The following TFDP2 variants were observed in gnomAD, a reference collection of about 807,000 sequenced individuals.
The protein encoded by TFDP2 is transcription factor Dp-2.
In TFDP2, 17 loss-of-function variants were observed where a neutral mutation model predicts 59.3. That is an observed-to-expected ratio of 0.29 (90% CI 0.20 to 0.43). TFDP2 has a LOEUF of 0.43. TFDP2 is among the 20% of genes least tolerant of loss of function. TFDP2 has a pLI of 1.00. For missense variants in TFDP2, 391 were observed against 528.8 expected, an observed-to-expected ratio of 0.74 and a Z score of 2.56; for synonymous variants, 180 against 194.7, an observed-to-expected ratio of 0.92 and a Z score of 0.63.
intron 3 of TFDP2, among the ~76,000 whole-genome samples, chr3:142,012,597 A>G (rs1481105979): frequency 6.6e-6 from 1 of 152,224 alleles, no homozygotes; most frequent in Admixed American, 6.5e-5. Flanking sequence ...ATAGTCCCTA[A>G]AAATACAAGC....
In TFDP2 at chr3:141,974,033, G is replaced by C; in HGVS notation, c.663+15C>G. 6.2e-7 allele frequency: 1 copy of C among 1,605,386 alleles called. No individual in the cohort carries two copies. Among genetic ancestry groups the C allele is most frequent in the Non-Finnish European group, 8.5e-7 (1 of 1,177,578 alleles). On this transcript the variant is annotated intron_variant, in intron 8 of 12. Transcript: ENST00000489671. Reference sequence around the variant, plus strand: ...TAATGCAAACAGCTATTCATAAACAGATTTTCTCACTTACCTCCAGATTCT... The same window carrying C: ...TAATGCAAACAGCTATTCATAAACACATTTTCTCACTTACCTCCAGATTCT...
intron 1 of TFDP2, among the ~76,000 whole-genome samples, chr3:142,147,998 G>C (rs1242398012): frequency 6.6e-6 from 1 of 151,670 alleles, no homozygotes; most frequent in Non-Finnish European, 1.5e-5. Flanking sequence ...AGAGAGACAG[G>C]GACATGATTA....
chr3:142,025,971 C>A (rs1946050237), intron 3 of TFDP2, among the ~76,000 whole-genome samples: 1 of 152,098 alleles, frequency 6.6e-6, no homozygotes, highest in African/African-American at 2.4e-5. Context: ...TCTCAAAAAA[C>A]AAACAAACTT....
intron 1 of TFDP2, among the ~76,000 whole-genome samples, chr3:142,138,375 T>C (rs1353144453): frequency 2.0e-5 from 3 of 152,232 alleles, no homozygotes; most frequent in Non-Finnish European, 2.9e-5. Flanking sequence ...TCTCCTTCAG[T>C]TCTGCTCTGA....
chr3:142,117,673 T>C (rs1333971691), intron 1 of TFDP2, among the ~76,000 whole-genome samples: 1 of 152,138 alleles, frequency 6.6e-6, no homozygotes, highest in Non-Finnish European at 1.5e-5. Context: ...GTGTCTTGTG[T>C]CTAGAAACTT....
intron 1 of TFDP2, among the ~76,000 whole-genome samples, chr3:142,118,190 C>A (rs933501008): frequency 6.6e-6 from 1 of 152,074 alleles, no homozygotes; most frequent in Non-Finnish European, 1.5e-5. Flanking sequence ...TCCTCTCCCC[C>A]TTTTCTTACC....
chr3:141,981,814 G>C (rs988177667), intron 6 of TFDP2, among the ~76,000 whole-genome samples: 5 of 152,142 alleles, frequency 3.3e-5, no homozygotes, highest in African/African-American at 1.2e-4. Flanking sequence ...CCAGGTAAGA[G>C]AATATGAATC....
chr3:142,120,243 T>C (rs1397696510), intron 1 of TFDP2, among the ~76,000 whole-genome samples: 1 of 151,194 alleles, frequency 6.6e-6, no homozygotes, highest in Non-Finnish European at 1.5e-5. Context: ...GCGCCTGTAG[T>C]CCCAGCTACT....
chr3:141,997,284 T>C (rs1172918476), intron 4 of TFDP2, among the ~76,000 whole-genome samples: 1 of 152,202 alleles, frequency 6.6e-6, no homozygotes, highest in Non-Finnish European at 1.5e-5. Flanking sequence ...CTAAAAGGTT[T>C]ATATAAAATC....
At position 142,088,183 on chromosome 3, in the gene TFDP2, A is replaced by C. The variant is rs1243698700; in HGVS notation, c.82+4878T>G. The stretch of plus-strand genomic sequence containing the variant: ...CTATTCAATAAATATTTGCTGAATC[A>C]ATGAAAGAATGTGGCCTACCTCTCA... On this transcript the variant is annotated intron_variant, in intron 3 of 12. Transcript: ENST00000489671. Among the ~76,000 whole-genome samples the C allele has an allele frequency of 3.9e-5, 6 of 152,234 alleles. No homozygotes were observed. The South Asian group carries it at 1.0e-3, about 26-fold the overall frequency.
At chr3:142,008,969 A>G (rs1295554707) in intron 3 of TFDP2, among the ~76,000 whole-genome samples, 1 of 152,216 alleles carries the variant, frequency 6.6e-6, no homozygotes, top group Non-Finnish European at 1.5e-5. Context: ...AGTGAAGCCG[A>G]CAGCTCCACC....
rs778595757 is a variant in TFDP2, at chr3:141,995,002, AACTTGCAAC to A, written c.308+9_308+17del. The A allele has an allele frequency of 6.5e-7, 1 of 1,530,652 alleles. No homozygotes were observed. Among genetic ancestry groups the A allele is most frequent in the African/African-American group, 1.4e-5 (1 of 71,836 alleles). 94.8% of individuals were successfully genotyped at this position (1,530,652 alleles called of 1,614,324 possible). On this transcript the variant is annotated intron_variant, in intron 5 of 12. Transcript: ENST00000489671. ...CTTTTTTTAAGGTTTTAAAAATAGT[AACTTGCAAC>A]ACTCTTACCCAGGGACCCAGCCAGT...
intron 6 of TFDP2, among the ~76,000 whole-genome samples, chr3:141,988,877 G>A (rs1942442197): frequency 6.6e-6 from 1 of 151,594 alleles, no homozygotes; most frequent in South Asian, 2.1e-4. Flanking sequence ...GGGCCAGGAT[G>A]GTCTCGAACT....
chr3:141,971,317 C>CGAGACCAGCCTGGCCAA (rs377756389), intron 8 of TFDP2, among the ~76,000 whole-genome samples: 26 of 142,798 alleles, frequency 1.8e-4, no homozygotes, highest in Non-Finnish European at 3.5e-4. Flanking sequence ...GTCAGGAGTT[C>CGAGACCAGCCTGGCCAA]GAGACCAGCC....
chr3:142,109,793 AC>A (rs2061592778), intron 1 of TFDP2, among the ~76,000 whole-genome samples: 5 of 152,194 alleles, frequency 3.3e-5, no homozygotes, highest in African/African-American at 1.2e-4. Flanking sequence ...TCTAAAAAAA[AC>A]ACTTTTATTT....
chr3:142,030,729 T>TTCCCG (rs1946379759), intron 3 of TFDP2, among the ~76,000 whole-genome samples: 2 of 146,920 alleles, frequency 1.4e-5, no homozygotes, highest in South Asian at 4.3e-4. Context: ...CTCAAGTATA[T>TTCCCG]TCCCGTGTTC....
chr3:142,082,273 A>G (rs541078185), intron 3 of TFDP2, among the ~76,000 whole-genome samples: 1 of 152,300 alleles, frequency 6.6e-6, no homozygotes, highest in South Asian at 2.1e-4. Flanking sequence ...TTGCAGGAAA[A>G]CAAGCTCAGG....
At position 142,005,527 on chromosome 3, in the gene TFDP2, C is replaced by A; in HGVS notation, c.100G>T (p.Ala34Ser). The change falls in exon 4 of 13, where the codon GCA becomes TCA. Residue 34 changes from alanine to serine, a missense_variant. Ala to Ser is a moderately conservative substitution (Grantham distance 99). Transcript: ENST00000489671. ...GAGTTGGTATTGGAAACTGGAAATG[C>A]AACAAATGAAATGTTGCCTGAAATG... is the stretch of plus-strand genomic sequence containing the variant. Reference protein sequence around the residue: ...SPTKGNISFVAFPVSNTNSPT... With the variant: ...SPTKGNISFVSFPVSNTNSPT... The A allele has an allele frequency of 6.3e-7, 1 of 1,597,796 alleles. No individual in the cohort carries two copies. The highest frequency in any genetic ancestry group is 8.5e-7 in the Non-Finnish European group (1 of 1,169,636).
chr3:141,973,125 T>TATATATA (rs1559951924), intron 8 of TFDP2, among the ~76,000 whole-genome samples: 104 of 69,888 alleles, frequency 1.5e-3, no homozygotes, highest in African/African-American at 5.0e-3. Flanking sequence ...ATATATATAT[T>TATATATA]TTTTTTTTTT....
Sources: allele counts gnomAD v4.1 joint callset (sites outside exome capture counted in the v4.1 genomes callset), GRCh38; gene constraint gnomAD v4.1.1; transcripts MANE v1.5; gene names NCBI Gene and HGNC (gene_info 2026-07-23, HGNC 2026-07-21).